Variants in ENKUR observed in about 807,000 individuals in gnomAD.
ENKUR encodes enkurin, TRPC channel interacting protein, also known as enkurin.
A neutral mutation model predicts 27.6 loss-of-function variants in ENKUR; 19 were observed. The observed-to-expected ratio is 0.69, with a 90% CI of 0.48 to 1.01. The LOEUF is 1.01. ENKUR is among the 50% of genes least tolerant of loss of function. The pLI is 0.00. For missense variants in ENKUR, 312 were observed against 310.5 expected, an observed-to-expected ratio of 1.00 and a Z score of -0.04; for synonymous variants, 117 against 96.9, an observed-to-expected ratio of 1.21 and a Z score of -1.22.
chr10:25,053,997 C>A (rs1386157856), intron 2 of ENKUR, among the ~76,000 whole-genome samples: 5 of 152,170 alleles, frequency 3.3e-5, no homozygotes. Flanking sequence ...TTCTGCATTC[C>A]TTTATATTGT....
intron 2 of ENKUR, among the ~76,000 whole-genome samples, chr10:25,051,808 G>A (rs1359155817): frequency 6.6e-6 from 1 of 152,186 alleles, no homozygotes; most frequent in African/African-American, 2.4e-5. Flanking sequence ...AAGCAATCAA[G>A]GCAGAACGAG....
Position 25,030,238 on chromosome 10 carries a change from A to G in ENKUR, c.37+30874T>C, listed in dbSNP as rs147935229. Among the ~76,000 whole-genome samples, 901 of 152,266 alleles carry G rather than the reference A, an allele frequency of 5.9e-3. 5 individuals carry two copies. The highest frequency in any genetic ancestry group is 0.031 in the Middle Eastern group (9 of 294). ...ACTTCGTTTATTCCATAATTTTGAT[A>G]GAACTCACTCTCCAGTAGCTTCCTC... is the stretch of plus-strand genomic sequence containing the variant. On this transcript the variant is annotated intron_variant, in intron 2 of 5. Transcript: ENST00000615958.
At chr10:25,027,386 A>AAAAAAAAAAAAAAAAG in intron 2 of ENKUR, among the ~76,000 whole-genome samples, 1 of 144,114 alleles carries the variant, frequency 6.9e-6, no homozygotes. Flanking sequence ...AAAAAAAAAA[A>AAAAAAAAAAAAAAAAG]ACTAGCCAGG....
chr10:25,023,395 A>G, intron 2 of ENKUR: 1 of 1,614,170 alleles, frequency 6.2e-7, no homozygotes, highest in Non-Finnish European at 8.5e-7. Context: ...AGACAAAAAT[A>G]TTATCCTGAT....
At chr10:25,057,402 C>G (rs1466886929) in intron 2 of ENKUR, among the ~76,000 whole-genome samples, 7 of 147,918 alleles carry the variant, frequency 4.7e-5, no homozygotes. Flanking sequence ...CACACACACA[C>G]ACACACACAC....
chr10:25,018,387 G>C (rs1195417353), upstream of ENKUR, among the ~76,000 whole-genome samples: 1 of 152,196 alleles, frequency 6.6e-6, no homozygotes, highest in Non-Finnish European at 1.5e-5. Context: ...TGAACAAACT[G>C]TCTATAAAGG....
At chr10:25,045,799 G>A (rs1851115458) in intron 2 of ENKUR, among the ~76,000 whole-genome samples, 1 of 152,158 alleles carries the variant, frequency 6.6e-6, no homozygotes, top group Admixed American at 6.5e-5. Flanking sequence ...CAAGCATCCT[G>A]AAATGCAAGC....
At chr10:24,999,269 T>A (rs1268814439) in intron 2 of ENKUR, 132 bp downstream of exon 2, 8 of 861,050 alleles carry the variant, frequency 9.3e-6, no homozygotes, top group African/African-American at 1.7e-5. Context: ...CACTTTCTCC[T>A]AGTCAAATTC....
intron 2 of ENKUR, among the ~76,000 whole-genome samples, chr10:25,056,376 A>T (rs1851256028): frequency 6.6e-6 from 1 of 152,212 alleles, no homozygotes; most frequent in South Asian, 2.1e-4. Context: ...AGTCATGCAA[A>T]TTTCTATAGA....
intron 1 of ENKUR, among the ~76,000 whole-genome samples, chr10:25,061,859 G>A (rs1010338533): frequency 2.0e-5 from 3 of 152,146 alleles, no homozygotes; most frequent in Non-Finnish European, 4.4e-5. Flanking sequence ...CAATGACTGC[G>A]TTAGAAACCC....
chr10:24,983,865 G>A lies in ENKUR; in HGVS notation c.*505C>T, dbSNP rs1223217657. On this transcript the variant is annotated 3_prime_UTR_variant, in exon 6 of 6. Transcript: ENST00000331161. The stretch of plus-strand genomic sequence containing the variant: ...AACCTTTTCCTTTTAGATATTTAGA[G>A]CTATTTTTTCTTATTTTTGGGTTGA... 6.6e-6 allele frequency: 1 copy of A among 152,084 alleles called. No homozygotes were observed. The highest frequency in any genetic ancestry group is 2.4e-5 in the African/African-American group (1 of 41,366). 9.4% of individuals were successfully genotyped at this position (152,084 alleles called of 1,614,324 possible).
Position 24,990,540 on chromosome 10 carries a change from C to G in ENKUR, c.517G>C (p.Asp173His), listed in dbSNP as rs775080391. 1.4e-5 allele frequency: 22 copies of G among 1,613,930 alleles called. No homozygotes were observed. The Admixed American group carries it at 3.7e-4, about 27-fold the overall frequency. ...TTAAGGTTTTCCTGGATATAACGATCATAGTCTTCTTGGGCTTTCTTTATT... is the reference window on the plus strand; with the variant it reads ...TTAAGGTTTTCCTGGATATAACGATGATAGTCTTCTTGGGCTTTCTTTATT... The part of the protein sequence containing the change: ...EEIKKAQEDY[D>H]RYIQENLKKA... The change falls in exon 4 of 6, where the codon GAT (aspartate) becomes CAT (histidine). Residue 173 changes from aspartate (D) to histidine (H), a missense_variant. Asp to His is a moderately conservative substitution (Grantham distance 81). Coordinates refer to ENST00000331161, the MANE Select transcript of ENKUR (RefSeq NM_145010.4).
upstream of ENKUR, among the ~76,000 whole-genome samples, chr10:25,017,294 A>G (rs940577062): frequency 5.3e-5 from 8 of 152,174 alleles, no homozygotes; most frequent in Non-Finnish European, 8.8e-5. Flanking sequence ...ATCTATGCAC[A>G]TGGGCCTGCC....
At chr10:25,007,672 G>A (rs887841556) in intron 1 of ENKUR, among the ~76,000 whole-genome samples, 3 of 152,122 alleles carry the variant, frequency 2.0e-5, no homozygotes, top group African/African-American at 7.2e-5. Context: ...CTGACCTCAT[G>A]ACCCGCCTGC....
chr10:25,040,830 T>C (rs932951883), intron 2 of ENKUR, among the ~76,000 whole-genome samples: 4 of 152,250 alleles, frequency 2.6e-5, no homozygotes, highest in African/African-American at 9.6e-5. Context: ...TTAGACCAAG[T>C]TGGTTTATTG....
chr10:24,990,001 T>C (rs1849890699), intron 4 of ENKUR, among the ~76,000 whole-genome samples: 1 of 152,184 alleles, frequency 6.6e-6, no homozygotes, highest in African/African-American at 2.4e-5. Context: ...ACCTAGCACC[T>C]GTTTATTTAA....
chr10:25,058,137 G>A (rs1851281438), intron 2 of ENKUR, among the ~76,000 whole-genome samples: 1 of 152,004 alleles, frequency 6.6e-6, no homozygotes, highest in Admixed American at 6.6e-5. Flanking sequence ...GTTCAGGAAG[G>A]TCTTATGGCT....
At chr10:24,997,807 T>TTATATATATATATATA (rs58973955) in intron 2 of ENKUR, among the ~76,000 whole-genome samples, 11 of 144,960 alleles carry the variant, frequency 7.6e-5, no homozygotes, top group African/African-American at 2.1e-4. Context: ...CACAAAGGAT[T>TTATATATATATATATA]TATATATATA....
At chr10:25,028,888 C>T (rs1389607573) in intron 2 of ENKUR, among the ~76,000 whole-genome samples, 2 of 152,166 alleles carry the variant, frequency 1.3e-5, no homozygotes, top group Non-Finnish European at 2.9e-5. Context: ...CATAGTTCTG[C>T]ATTGTTTAGT....
Sources: allele counts gnomAD v4.1 joint callset (sites outside exome capture counted in the v4.1 genomes callset), GRCh38; gene constraint gnomAD v4.1.1; transcripts MANE v1.5; gene names NCBI Gene and HGNC (gene_info 2026-07-23, HGNC 2026-07-21).